NRG3: variants seen among roughly 807,000 people sequenced by gnomAD.
The protein encoded by NRG3 is neuregulin 3, also known as pro-neuregulin-3, membrane-bound isoform.
Under a neutral mutation model 66.9 loss-of-function variants are expected in NRG3, and 31 were observed. The ratio of observed to expected loss-of-function variants is 0.46; its 90% confidence interval spans 0.35 to 0.63. The LOEUF (loss-of-function observed/expected upper bound fraction) is 0.63, where lower values mean the gene tolerates loss of function less well. NRG3 is among the 20% of genes least tolerant of loss of function. The probability of loss-of-function intolerance (pLI) is 0.00; values close to 1 mark genes in which losing one functional copy is unlikely to be tolerated. For synonymous variants in NRG3, 393 were observed against 359.4 expected (o/e 1.09, Z -1.06); for missense variants, 910 against 878.9 (o/e 1.04, Z -0.45).
chr10:81,882,677 TC>T (rs1842287498), intron 1 of NRG3, among the ~76,000 whole-genome samples: 1 of 152,224 alleles, frequency 6.6e-6, no homozygotes, highest in Non-Finnish European at 1.5e-5. Context: ...CTGGTTATTT[TC>T]ATCCAAGAGC....
intron 2 of NRG3, among the ~76,000 whole-genome samples, chr10:82,400,215 A>G (rs991585661): frequency 6.6e-6 from 1 of 152,190 alleles, no homozygotes; most frequent in Non-Finnish European, 1.5e-5. Context: ...TGTTAGTAAT[A>G]AAATCTGAAA....
chr10:81,934,171 C>T (rs543262372), intron 1 of NRG3, among the ~76,000 whole-genome samples: 9 of 152,258 alleles, frequency 5.9e-5, no homozygotes, highest in South Asian at 2.1e-4. Context: ...GATCCAGTTT[C>T]GGCAGGTACT....
At chr10:82,823,070 A>C (rs1326704716) in intron 3 of NRG3, among the ~76,000 whole-genome samples, 1 of 152,096 alleles carries the variant, frequency 6.6e-6, no homozygotes, top group Non-Finnish European at 1.5e-5. Context: ...TCATCTGGGT[A>C]TTCATTTGTG....
intron 1 of NRG3, among the ~76,000 whole-genome samples, chr10:82,036,492 A>G (rs1412376956): frequency 6.6e-6 from 1 of 152,144 alleles, no homozygotes; most frequent in African/African-American, 2.4e-5. Context: ...TTGCACTGGC[A>G]TTTAAGCTTA....
intron 3 of NRG3, among the ~76,000 whole-genome samples, chr10:82,826,798 T>C (rs2062234398): frequency 6.6e-6 from 1 of 152,026 alleles, no homozygotes; most frequent in Admixed American, 6.6e-5. Context: ...AAAAACTACC[T>C]ATCGGGTATT....
At chr10:82,546,748 TCTAA>T (rs1161984450) in intron 2 of NRG3, among the ~76,000 whole-genome samples, 2 of 152,148 alleles carry the variant, frequency 1.3e-5, no homozygotes, top group African/African-American at 4.8e-5. Flanking sequence ...GTAAATCATC[TCTAA>T]CTGATTTCTA....
At chr10:82,187,903 C>G (rs1397452011) in intron 1 of NRG3, among the ~76,000 whole-genome samples, 3 of 151,748 alleles carry the variant, frequency 2.0e-5, no homozygotes, top group Non-Finnish European at 4.4e-5. Context: ...TCAAAGAACT[C>G]TATAGATTCA....
At chr10:82,303,336 A>AACAC (rs144860357) in intron 1 of NRG3, among the ~76,000 whole-genome samples, 27 of 149,330 alleles carry the variant, frequency 1.8e-4, no homozygotes, top group South Asian at 4.2e-4. Flanking sequence ...TGCGTGTATA[A>AACAC]ACACACACAC....
chr10:82,817,531 C>T (rs2061765088), intron 3 of NRG3, among the ~76,000 whole-genome samples: 1 of 152,104 alleles, frequency 6.6e-6, no homozygotes, highest in South Asian at 2.1e-4. Flanking sequence ...GCTTCTCTTA[C>T]CTCTACTCCT....
intron 1 of NRG3, among the ~76,000 whole-genome samples, chr10:82,028,937 G>A (rs745401705): frequency 3.3e-5 from 5 of 152,060 alleles, no homozygotes; most frequent in East Asian, 1.9e-4. Flanking sequence ...GTCCAGGTGC[G>A]GTGGCTCACA....
intron 4 of NRG3, among the ~76,000 whole-genome samples, chr10:82,895,486 CTT>C (rs57655284): frequency 5.5e-5 from 7 of 128,306 alleles, no homozygotes; most frequent in Non-Finnish European, 4.8e-5. Context: ...CAATAACATT[CTT>C]TTTTTTTTTT....
At chr10:82,827,273 A>G in intron 3 of NRG3, 3 of 354,916 alleles carry the variant, frequency 8.5e-6, no homozygotes, top group Non-Finnish European at 1.6e-5. Flanking sequence ...AAAGACTGGA[A>G]CAACAACAAA....
intron 2 of NRG3, among the ~76,000 whole-genome samples, chr10:82,457,324 T>C (rs1034493908): frequency 3.4e-4 from 52 of 152,144 alleles, no homozygotes; most frequent in Non-Finnish European, 6.3e-4. Flanking sequence ...CCACCTCAAA[T>C]CATCAGGTAT....
At chr10:82,363,005 G>A (rs2084286539) in intron 2 of NRG3, among the ~76,000 whole-genome samples, 1 of 152,072 alleles carries the variant, frequency 6.6e-6, no homozygotes. Flanking sequence ...TAAAAGCAAT[G>A]GAAGGCAAAA....
intron 2 of NRG3, among the ~76,000 whole-genome samples, chr10:82,476,033 T>C (rs1713186253): frequency 1.3e-5 from 2 of 152,080 alleles, no homozygotes; most frequent in Non-Finnish European, 2.9e-5. Flanking sequence ...ATGACTTGAA[T>C]AGACATTTCT....
At chr10:82,055,338 A>G (rs924788932) in intron 1 of NRG3, among the ~76,000 whole-genome samples, 4 of 151,580 alleles carry the variant, frequency 2.6e-5, no homozygotes, top group Admixed American at 6.6e-5. Context: ...ATAGCCAGGC[A>G]TGGTGACAGG....
At chr10:81,948,325 G>A (rs1275184469) in intron 1 of NRG3, among the ~76,000 whole-genome samples, 1 of 152,104 alleles carries the variant, frequency 6.6e-6, no homozygotes, top group Non-Finnish European at 1.5e-5. Flanking sequence ...TGGTTCATTT[G>A]ACTTTTAATA....
At position 82,746,319 on chromosome 10, in the gene NRG3, G is replaced by A. The variant is rs555105595; in HGVS notation, c.1027+7669G>A. On this transcript the variant is annotated intron_variant, in intron 3 of 8. Transcript: ENST00000372141. ...CCAGCTTGCTAACTACAGCTTCCCTGTTGGCCCCGGCTCACTGGGGGCCAC... is the reference window on the plus strand; with the variant it reads ...CCAGCTTGCTAACTACAGCTTCCCTATTGGCCCCGGCTCACTGGGGGCCAC... Among the ~76,000 whole-genome samples the A allele has an allele frequency of 2.6e-5, 4 of 152,304 alleles. No individual in the cohort carries two copies. In the South Asian group the frequency reaches 8.3e-4, roughly 32 times the overall value.
At chr10:82,756,971 T>A (rs925888569) in intron 3 of NRG3, among the ~76,000 whole-genome samples, 1 of 152,080 alleles carries the variant, frequency 6.6e-6, no homozygotes, top group East Asian at 1.9e-4. Flanking sequence ...GGCTCAAAAA[T>A]CTTTTCCTAA....
Sources: allele counts gnomAD v4.1 joint callset (sites outside exome capture counted in the v4.1 genomes callset), GRCh38; gene constraint gnomAD v4.1.1; transcripts MANE v1.5; gene names NCBI Gene and HGNC (gene_info 2026-07-23, HGNC 2026-07-21).